Variants in RAPGEF2 observed in about 807,000 individuals in gnomAD.
RAPGEF2 encodes PDZ domain containing guanine nucleotide exchange factor (GEF) 1.
In RAPGEF2, 54 loss-of-function variants were observed where a neutral mutation model predicts 186.7. The ratio of observed to expected loss-of-function variants is 0.29; its 90% CI spans 0.23 to 0.36. The LOEUF is 0.36. RAPGEF2 is among the 10% of genes least tolerant of loss of function. The pLI is 1.00. For missense variants in RAPGEF2, 1,532 were observed against 2,045.0 expected (o/e 0.75, Z 4.84); for synonymous variants, 712 against 705.9 (o/e 1.01, Z -0.14).
chr4:159,225,009 A>T (rs1751882198), intron 4 of RAPGEF2, among the ~76,000 whole-genome samples: 1 of 152,190 alleles, frequency 6.6e-6, no homozygotes, highest in Non-Finnish European at 1.5e-5. Context: ...GTAGGTGGGT[A>T]TCAGAGTTGA....
chr4:159,254,255 T>G (rs978629982), intron 7 of RAPGEF2, among the ~76,000 whole-genome samples: 11 of 152,252 alleles, frequency 7.2e-5, no homozygotes, highest in Non-Finnish European at 1.5e-5. Flanking sequence ...GTGATGCCAG[T>G]GTCTTGATAT....
intron 4 of RAPGEF2, among the ~76,000 whole-genome samples, chr4:159,213,111 A>C (rs1324202912): frequency 2.6e-5 from 4 of 152,226 alleles, no homozygotes; most frequent in African/African-American, 9.6e-5. Context: ...ACAAGCCAGT[A>C]CTATATATAG....
In RAPGEF2 at chr4:159,219,513, G is replaced by A. The variant is rs1013029708; in HGVS notation, c.281+8930G>A. Among the ~76,000 whole-genome samples the A allele has an allele frequency of 5.3e-5, 8 of 151,828 alleles. No individual in the cohort carries two copies. The South Asian group carries it at 8.3e-4, about 16-fold the overall frequency. The stretch of plus-strand genomic sequence containing the variant: ...TGGGACTACAGGCACCCGCCACCAC[G>A]TCCGGATAATTTTTTGTATTTTTAG... On this transcript the variant is annotated intron_variant, in intron 4 of 29. Coordinates refer to ENST00000691494, the MANE Select transcript of RAPGEF2 (RefSeq NM_001394067.2).
intron 1 of RAPGEF2, among the ~76,000 whole-genome samples, chr4:159,170,310 A>G (rs1276867650): frequency 6.6e-6 from 1 of 152,014 alleles, no homozygotes; most frequent in African/African-American, 2.4e-5. Context: ...TTAACCCCCT[A>G]TCAGGTGTAT....
At chr4:159,279,228 A>C (rs1430329900) in intron 7 of RAPGEF2, among the ~76,000 whole-genome samples, 1 of 152,236 alleles carries the variant, frequency 6.6e-6, no homozygotes, top group Non-Finnish European at 1.5e-5. Flanking sequence ...ATAGAGAGGT[A>C]AAGTAACTTT....
chr4:159,107,660 A>C (rs36089326), intron 1 of RAPGEF2, among the ~76,000 whole-genome samples: 4 of 151,784 alleles, frequency 2.6e-5, no homozygotes, highest in Admixed American at 6.6e-5. Context: ...TAACTCATTG[A>C]TGTGTTATAA....
chr4:159,124,926 C>G (rs1209519464), intron 1 of RAPGEF2, among the ~76,000 whole-genome samples: 1 of 152,024 alleles, frequency 6.6e-6, no homozygotes, highest in African/African-American at 2.4e-5. Context: ...AATGGTTTTT[C>G]CAGATCATAC....
chr4:159,309,742 G>A (rs905469661), intron 8 of RAPGEF2, among the ~76,000 whole-genome samples: 4 of 152,198 alleles, frequency 2.6e-5, no homozygotes, highest in South Asian at 2.1e-4. Flanking sequence ...GGATCAGAGC[G>A]AGTGGCTTAG....
chr4:159,264,511 A>T (rs1442299650), intron 7 of RAPGEF2, among the ~76,000 whole-genome samples: 1 of 152,202 alleles, frequency 6.6e-6, no homozygotes, highest in Non-Finnish European at 1.5e-5. Context: ...TTTGTGGGAC[A>T]CGGGCCAGAT....
At chr4:159,338,813 A>C (rs1767831261) in intron 18 of RAPGEF2, among the ~76,000 whole-genome samples, 1 of 152,242 alleles carries the variant, frequency 6.6e-6, no homozygotes, top group African/African-American at 2.4e-5. Context: ...AATACAGTAA[A>C]GATTAACTCT....
chr4:159,217,091 A>G lies in RAPGEF2; in HGVS notation c.281+6508A>G, dbSNP rs7671968. Among the ~76,000 whole-genome samples, 1,059 of 152,218 alleles carry G rather than the reference A, an allele frequency of 7.0e-3. 11 individuals carry two copies. The highest frequency in any genetic ancestry group is 0.024 in the African/African-American group (1,014 of 41,536). ...TTTTTTTTAGTAGTGAAAGGAGGTA[A>G]AACAATGGATGAGTGGTTCTATGTG... On this transcript the variant is annotated intron_variant, in intron 4 of 29. Transcript: ENST00000691494.
intron 1 of RAPGEF2, among the ~76,000 whole-genome samples, chr4:159,178,551 C>CATT (rs1554005429): frequency 1.3e-4 from 10 of 75,484 alleles, no homozygotes; most frequent in Non-Finnish European, 1.9e-4. Context: ...ATGTATTATG[C>CATT]TTTTTTTTTT....
intron 7 of RAPGEF2, chr4:159,282,588 C>G (rs996613484): frequency 2.9e-5 from 13 of 443,358 alleles, no homozygotes; most frequent in Non-Finnish European, 4.5e-5. Flanking sequence ...TACACCAAGT[C>G]TTAATTTAAA....
Position 159,350,214 on chromosome 4 carries a change from G to T in RAPGEF2, c.3790G>T (p.Ala1264Ser). 1 of 1,594,892 alleles carries T rather than the reference G, an allele frequency of 6.3e-7. No individual in the cohort carries two copies. Among genetic ancestry groups the T allele is most frequent in the Non-Finnish European group, 8.5e-7 (1 of 1,170,334 alleles). ...AAGTTTGGAACGTCACAAGAAACAGGCTGAAGATACAATATCAAATGCATC... is the reference window on the plus strand; with the variant it reads ...AAGTTTGGAACGTCACAAGAAACAGTCTGAAGATACAATATCAAATGCATC... ...EGSLERHKKQ[A>S]EDTISNASSQ... The change falls in exon 26 of 30, where the codon GCT becomes TCT. Residue 1264 changes from alanine (A) to serine (S), a missense_variant. This residue lies in a region of RAPGEF2 where 594 missense variants were observed against 608.5 expected (regional missense o/e 0.98). Coordinates refer to ENST00000691494, the MANE Select transcript of RAPGEF2 (RefSeq NM_001394067.2).
rs1579391284 is a variant in RAPGEF2 at position 159,181,353 on chromosome 4, T to A, written c.70-5289T>A. 2.0e-5 allele frequency among the ~76,000 whole-genome samples: 3 copies of A among 152,330 alleles called. 1 individual carries two copies. The Middle Eastern group carries it at 0.01, about 518-fold the overall frequency. On this transcript the variant is annotated intron_variant, in intron 1 of 29. Transcript: ENST00000691494. The stretch of plus-strand genomic sequence containing the variant: ...TGACATAGCTTTTAAAAATTTTATT[T>A]ATTTTTTTCTAATACTTTTCCAGAT...
At chr4:159,342,552 T>TTTC (rs1729641551) in intron 20 of RAPGEF2, among the ~76,000 whole-genome samples, 1 of 116,320 alleles carries the variant, frequency 8.6e-6, no homozygotes, top group Non-Finnish European at 1.7e-5. Flanking sequence ...TTTTATTTTA[T>TTTC]ATTATTTTAT....
At chr4:159,342,918 T>C (rs1399538076) in intron 20 of RAPGEF2, 61 bp from the exon 21 acceptor site, 1 of 1,406,548 alleles carries the variant, frequency 7.1e-7, no homozygotes. Context: ...TATATGTCAA[T>C]AAATAATCTG....
chr4:159,345,517 T>C (rs1393132235), intron 24 of RAPGEF2, among the ~76,000 whole-genome samples, 188 bp downstream of exon 24: 1 of 152,218 alleles, frequency 6.6e-6, no homozygotes, highest in Non-Finnish European at 1.5e-5. Context: ...CAGGCCGTCA[T>C]GTCAACTGGG....
intron 7 of RAPGEF2, among the ~76,000 whole-genome samples, chr4:159,284,733 A>G (rs1394126446): frequency 1.3e-5 from 2 of 152,316 alleles, no homozygotes; most frequent in East Asian, 3.9e-4. Flanking sequence ...AATTCTTGAA[A>G]ATTGTTTAAA....
Sources: allele counts gnomAD v4.1 joint callset (sites outside exome capture counted in the v4.1 genomes callset), GRCh38; gene constraint gnomAD v4.1.1; regional missense constraint gnomAD v4.1.1; transcripts MANE v1.5; gene names NCBI Gene and HGNC (gene_info 2026-07-23, HGNC 2026-07-21).